The following IKZF2 variants were observed in gnomAD, a reference collection of about 807,000 sequenced individuals.
IKZF2 encodes the protein zinc finger protein Helios.
In IKZF2, 15 loss-of-function variants were observed where a neutral mutation model predicts 49.2. That is an observed-to-expected ratio of 0.30 (90% CI 0.20 to 0.47). The LOEUF (loss-of-function observed/expected upper bound fraction) is 0.47, where lower values mean the gene tolerates loss of function less well. Among genes scored for constraint, IKZF2 ranks in the 20% least tolerant of loss-of-function variants. The pLI, the probability that IKZF2 is intolerant of heterozygous loss-of-function variation, is 1.00. For synonymous variants in IKZF2, 227 were observed against 221.4 expected, an observed-to-expected ratio of 1.03 and a Z score of -0.23; for missense variants, 567 against 664.6, an observed-to-expected ratio of 0.85 and a Z score of 1.61.
intron 4 of IKZF2, among the ~76,000 whole-genome samples, chr2:213,113,644 T>C (rs1231212333): frequency 1.3e-5 from 2 of 152,220 alleles, no homozygotes; most frequent in African/African-American, 4.8e-5. Flanking sequence ...GTTAATTTAC[T>C]TTGGAGGTAA....
intron 4 of IKZF2, among the ~76,000 whole-genome samples, chr2:213,124,260 A>ACTCGCGCGCGCGCGCG (rs2060174260): frequency 2.1e-5 from 2 of 94,370 alleles, no homozygotes; most frequent in East Asian, 6.7e-4. Flanking sequence ...GCGCACACAC[A>ACTCGCGCGCGCGCGCG]CACACACACA....
intron 4 of IKZF2, among the ~76,000 whole-genome samples, chr2:213,144,449 A>G (rs1574996015): frequency 6.6e-6 from 1 of 152,008 alleles, no homozygotes; most frequent in East Asian, 1.9e-4. Flanking sequence ...AGTATAGAAC[A>G]GTCTGAAACC....
chr2:213,076,078 T>C (rs1357171010), intron 4 of IKZF2, among the ~76,000 whole-genome samples: 1 of 152,064 alleles, frequency 6.6e-6, no homozygotes, highest in African/African-American at 2.4e-5. Flanking sequence ...AAACAAATAA[T>C]GTTTTCCCAA....
chr2:213,010,113 T>C lies in IKZF2; in HGVS notation c.857-2029A>G, dbSNP rs937381972. Among the ~76,000 whole-genome samples the C allele has an allele frequency of 4.6e-5, 7 of 152,002 alleles. No homozygotes were observed. In the East Asian group the frequency reaches 1.4e-3, roughly 29 times the overall value. The stretch of plus-strand genomic sequence containing the variant: ...GCTCTAGGTTTCTGGCCTAGGAAAT[T>C]TAGTAGATGACAATGAGATAGAAAA... On this transcript the variant is annotated intron_variant, in intron 8 of 8. Coordinates refer to ENST00000434687, the MANE Select transcript of IKZF2 (RefSeq NM_001387220.1).
intron 4 of IKZF2, among the ~76,000 whole-genome samples, chr2:213,134,259 C>T (rs561110583): frequency 2.0e-5 from 3 of 152,270 alleles, no homozygotes; most frequent in Non-Finnish European, 2.9e-5. Context: ...TTCTTCATTG[C>T]CATCTCCCAA....
intron 4 of IKZF2, among the ~76,000 whole-genome samples, chr2:213,124,248 GCGCGCACACACACACACACACACACACA>G (rs1489739403): frequency 8.7e-6 from 1 of 115,542 alleles, no homozygotes; most frequent in East Asian, 2.5e-4. Flanking sequence ...GCTCGCGCGC[GCGCGCACACACACACACACACACACACA>G]CACACACACA....
At chr2:213,060,161 C>A (rs1023280027) in intron 4 of IKZF2, among the ~76,000 whole-genome samples, 1 of 151,360 alleles carries the variant, frequency 6.6e-6, no homozygotes, top group Non-Finnish European at 1.5e-5. Flanking sequence ...TTCTTTGAAT[C>A]TTAACTATTA....
intron 4 of IKZF2, among the ~76,000 whole-genome samples, chr2:213,059,512 C>T (rs1333525352): frequency 2.6e-5 from 4 of 151,444 alleles, no homozygotes; most frequent in Non-Finnish European, 5.9e-5. Context: ...TGTTATATTC[C>T]ATTCATAATT....
intron 6 of IKZF2, among the ~76,000 whole-genome samples, chr2:213,023,921 C>G (rs1345935219): frequency 6.6e-6 from 1 of 152,124 alleles, no homozygotes; most frequent in African/African-American, 2.4e-5. Context: ...AATCATTATA[C>G]CTTCTCAATT....
At chr2:213,068,912 AACACAC>A (rs3069572) in intron 4 of IKZF2, among the ~76,000 whole-genome samples, 43,175 of 147,148 alleles carry the variant, frequency 0.29, 7,106 homozygotes, top group Non-Finnish European at 0.39. Flanking sequence ...GGAGGGAGAA[AACACAC>A]ACACACACAC....
intron 4 of IKZF2, among the ~76,000 whole-genome samples, chr2:213,059,875 A>G (rs915216057): frequency 1.3e-5 from 2 of 151,446 alleles, no homozygotes; most frequent in Non-Finnish European, 3.0e-5. Flanking sequence ...GAAAAAATGT[A>G]TATTTTGCTA....
At chr2:213,142,035 C>G (rs899919739) in intron 4 of IKZF2, among the ~76,000 whole-genome samples, 1 of 151,914 alleles carries the variant, frequency 6.6e-6, no homozygotes, top group African/African-American at 2.4e-5. Context: ...CCAGAAGCAT[C>G]AAATGAGGTT....
intron 4 of IKZF2, among the ~76,000 whole-genome samples, chr2:213,104,862 A>C (rs1400556822): frequency 6.6e-6 from 1 of 152,132 alleles, no homozygotes; most frequent in African/African-American, 2.4e-5. Context: ...CCATTCCCAT[A>C]CTCAGATAAG....
chr2:213,097,693 C>A (rs1163284144), intron 4 of IKZF2, among the ~76,000 whole-genome samples: 1 of 152,042 alleles, frequency 6.6e-6, no homozygotes, highest in African/African-American at 2.4e-5. Flanking sequence ...GTGATTGTAT[C>A]ATAGAACCTG....
intron 4 of IKZF2, among the ~76,000 whole-genome samples, chr2:213,110,355 C>A (rs1358092292): frequency 6.6e-6 from 1 of 151,720 alleles, no homozygotes; most frequent in Non-Finnish European, 1.5e-5. Context: ...TATTTCATTA[C>A]CTTCTTGTTT....
chr2:213,075,756 G>C (rs909365466), intron 4 of IKZF2, among the ~76,000 whole-genome samples: 50 of 151,976 alleles, frequency 3.3e-4, no homozygotes, highest in Non-Finnish European at 1.3e-4. Flanking sequence ...AACCATCCTC[G>C]TTTGGGTGAG....
chr2:213,025,890 A>G (rs1308033227), intron 6 of IKZF2, among the ~76,000 whole-genome samples: 1 of 152,146 alleles, frequency 6.6e-6, no homozygotes, highest in Non-Finnish European at 1.5e-5. Context: ...CTGGACTCGT[A>G]AAATGATTCT....
intron 6 of IKZF2, among the ~76,000 whole-genome samples, chr2:213,045,876 C>T (rs568056342): frequency 6.6e-6 from 1 of 152,120 alleles, no homozygotes; most frequent in Non-Finnish European, 1.5e-5. Context: ...CACAGGCTGT[C>T]CATTTTGAGA....
At chr2:213,036,003 AT>A (rs904050953) in intron 6 of IKZF2, among the ~76,000 whole-genome samples, 1 of 151,884 alleles carries the variant, frequency 6.6e-6, no homozygotes, top group African/African-American at 2.4e-5. Flanking sequence ...TCAAGGTATG[AT>A]TTTTTTTGCT....
Sources: allele counts gnomAD v4.1 joint callset (sites outside exome capture counted in the v4.1 genomes callset), GRCh38; gene constraint gnomAD v4.1.1; transcripts MANE v1.5; gene names NCBI Gene and HGNC (gene_info 2026-07-23, HGNC 2026-07-21).